The following ASXL2 variants were observed in gnomAD, a reference collection of about 807,000 sequenced individuals.
ASXL2 encodes putative Polycomb group protein ASXL2.
Under a neutral mutation model 122.0 loss-of-function variants are expected in ASXL2, and 23 were observed. That is an observed-to-expected ratio of 0.19 (90% CI 0.14 to 0.27). ASXL2 has a LOEUF of 0.27. ASXL2 is among the 10% of genes least tolerant of loss of function. The pLI is 1.00. For synonymous variants in ASXL2, 650 were observed against 637.0 expected (o/e 1.02, Z -0.31); for missense variants, 1,518 against 1,713.8 (o/e 0.89, Z 2.02).
chr2:25,805,067 G>T (rs927837877), intron 4 of ASXL2, among the ~76,000 whole-genome samples: 1 of 152,062 alleles, frequency 6.6e-6, no homozygotes. Context: ...AGAAAGAAAA[G>T]AAAGAAATTA....
intron 5 of ASXL2, among the ~76,000 whole-genome samples, chr2:25,783,245 CTATT>C (rs1297491769): frequency 6.6e-6 from 1 of 152,056 alleles, no homozygotes; most frequent in Admixed American, 6.5e-5. Context: ...CTATGAAACT[CTATT>C]TATACTTTCT....
chr2:25,841,839 C>T lies in ASXL2; in HGVS notation c.140+3642G>A, dbSNP rs1425673853. On this transcript the variant is annotated intron_variant, in intron 2 of 12. Coordinates refer to ENST00000435504, the MANE Select transcript of ASXL2 (RefSeq NM_018263.6). ...GCAGGCACCTGTAGTCCCAGCTACTCGGGAGGCTGAGGCAGGAGAATGGCA... is the reference window on the plus strand; with the variant it reads ...GCAGGCACCTGTAGTCCCAGCTACTTGGGAGGCTGAGGCAGGAGAATGGCA... 4.6e-5 allele frequency among the ~76,000 whole-genome samples: 7 copies of T among 151,554 alleles called. No homozygotes were observed. The East Asian group carries it at 1.4e-3, about 29-fold the overall frequency.
intron 3 of ASXL2, chr2:25,810,236 C>T (rs1381276097): frequency 1.6e-6 from 1 of 614,904 alleles, no homozygotes. Context: ...CAGCTCGTTC[C>T]TCTGTGAGTT....
chr2:25,765,621 C>T (rs770030708), intron 8 of ASXL2, among the ~76,000 whole-genome samples: 4 of 152,200 alleles, frequency 2.6e-5, no homozygotes, highest in East Asian at 1.9e-4. Flanking sequence ...CTTAAATAAA[C>T]GGAAATGGTG....
rs2149136625 is a variant in ASXL2 at position 25,743,196 on chromosome 2, G to A, written c.3141C>T (p.Ser1047=). The A allele has an allele frequency of 6.2e-7, 1 of 1,613,948 alleles. No homozygotes were observed. The highest frequency in any genetic ancestry group is 8.5e-7 in the Non-Finnish European group (1 of 1,179,852). The change falls in exon 13 of 13, where the codon TCC becomes TCT. Residue 1047 remains serine (S), a synonymous_variant. Transcript: ENST00000435504. ...CGTGGTATTGGTGTGTGTCAATGCT[G>A]GAGTCCCTCAGCTCCTTAGCTGAAA... ...QLFSAKELRD[S]SIDTHQYHEG...
At chr2:25,851,385 G>A (rs963012788) in intron 1 of ASXL2, among the ~76,000 whole-genome samples, 1 of 152,000 alleles carries the variant, frequency 6.6e-6, no homozygotes, top group Non-Finnish European at 1.5e-5. Context: ...ATTGGCTATT[G>A]TCCACTTATA....
chr2:25,836,335 A>T (rs1313320709), intron 2 of ASXL2, among the ~76,000 whole-genome samples: 3 of 152,214 alleles, frequency 2.0e-5, no homozygotes, highest in Non-Finnish European at 4.4e-5. Context: ...TCTAAAACTA[A>T]GCTCTTTCTA....
At chr2:25,807,566 A>C (rs1188574301) in intron 3 of ASXL2, among the ~76,000 whole-genome samples, 1 of 152,200 alleles carries the variant, frequency 6.6e-6, no homozygotes, top group Non-Finnish European at 1.5e-5. Flanking sequence ...AGGATCCCAA[A>C]GTTTGTATCA....
intron 5 of ASXL2, among the ~76,000 whole-genome samples, chr2:25,784,169 T>C (rs1259067810): frequency 6.6e-6 from 1 of 152,114 alleles, no homozygotes; most frequent in Non-Finnish European, 1.5e-5. Flanking sequence ...GAGGATGACC[T>C]GAGCCTAAGA....
At chr2:25,757,827 G>T (rs1470198982) in intron 9 of ASXL2, among the ~76,000 whole-genome samples, 1 of 148,722 alleles carries the variant, frequency 6.7e-6, no homozygotes, top group Non-Finnish European at 1.5e-5. Context: ...TTAGTCAAAA[G>T]ATAGTTCTGA....
chr2:25,780,862 C>T (rs1419661823), intron 5 of ASXL2, among the ~76,000 whole-genome samples: 1 of 150,732 alleles, frequency 6.6e-6, no homozygotes, highest in African/African-American at 2.4e-5. Context: ...CCGAGGTGGG[C>T]GGATCACGAG....
intron 5 of ASXL2, among the ~76,000 whole-genome samples, chr2:25,795,999 T>A (rs2088906623): frequency 6.6e-6 from 1 of 152,182 alleles, no homozygotes; most frequent in Non-Finnish European, 1.5e-5. Context: ...TCATTCCATT[T>A]ATTCCTAACA....
intron 3 of ASXL2, among the ~76,000 whole-genome samples, chr2:25,832,919 G>A (rs1375054555): frequency 2.0e-5 from 3 of 152,154 alleles, no homozygotes; most frequent in Non-Finnish European, 4.4e-5. Context: ...ATGAATGGGG[G>A]CTGCGGGGGG....
intron 4 of ASXL2, among the ~76,000 whole-genome samples, chr2:25,805,833 G>A (rs941755090): frequency 3.9e-5 from 6 of 151,982 alleles, no homozygotes; most frequent in African/African-American, 4.8e-5. Context: ...ACACCGCTAC[G>A]CCCTGGCTAA....
intron 5 of ASXL2, among the ~76,000 whole-genome samples, chr2:25,787,933 G>A (rs541086539): frequency 6.6e-6 from 1 of 152,028 alleles, no homozygotes; most frequent in Non-Finnish European, 1.5e-5. Flanking sequence ...AAATATTAAA[G>A]AACAAAATGG....
chr2:25,856,702 C>T lies in ASXL2; in HGVS notation c.58-11139G>A, dbSNP rs1215309237. 2.3e-6 allele frequency: 3 copies of T among 1,294,872 alleles called. No individual in the cohort carries two copies. The African/African-American group carries it at 4.4e-5, about 19-fold the overall frequency. 80.2% of individuals were successfully genotyped at this position (1,294,872 alleles called of 1,614,324 possible). ...CCGTTAGAGTGAGCCAGTTTGCATA[C>T]CTGGATCGATTCAGTCACCGAGCCG... On this transcript the variant is annotated intron_variant, in intron 1 of 12. Transcript: ENST00000435504.
At chr2:25,753,789 A>T (rs185365041) in intron 10 of ASXL2, 150 bp from the exon 11 acceptor site, 1 of 632,428 alleles carries the variant, frequency 1.6e-6, no homozygotes, top group East Asian at 2.7e-5. Context: ...GTAAAGGAGG[A>T]CCTAAATGCC....
Position 25,742,949 on chromosome 2 carries a change from T to G in ASXL2, c.3388A>C (p.Thr1130Pro). The G allele has an allele frequency of 6.2e-7, 1 of 1,613,940 alleles. No individual in the cohort carries two copies. The highest frequency in any genetic ancestry group is 2.2e-5 in the East Asian group (1 of 44,878). ...MAGHYLLNISTYGRGSESFRR... is the reference protein window; with the variant it reads ...MAGHYLLNISPYGRGSESFRR... ...AAGCTCTCTGAGCCCCGGCCGTAGG[T>G]AGAAATATTCAGTAAGTAGTGCCCT... Residue 1130 changes from threonine (T) to proline (P), a missense_variant, in exon 13 of 13, where the codon ACC becomes CCC. Coordinates refer to ENST00000435504, the MANE Select transcript of ASXL2 (RefSeq NM_018263.6).
intron 1 of ASXL2, among the ~76,000 whole-genome samples, chr2:25,875,077 C>T (rs1317427099): frequency 3.3e-5 from 5 of 151,832 alleles, no homozygotes. Flanking sequence ...AAGATCCTGT[C>T]TCAAAAAAAG....
Sources: gnomAD v4.1 joint callset for allele counts (sites outside exome capture counted in the v4.1 genomes callset) on GRCh38, gnomAD v4.1.1 for gene constraint, MANE v1.5 for transcripts, NCBI Gene and HGNC (gene_info 2026-07-23, HGNC 2026-07-21) for gene names.